TP63: variants seen among roughly 807,000 people sequenced by gnomAD.
TP63 encodes the protein tumor protein 63.
In TP63, 17 loss-of-function variants were observed where a neutral mutation model predicts 82.8. That is an observed-to-expected ratio of 0.21 (90% CI 0.14 to 0.31). TP63 has a LOEUF of 0.31. Ranked by LOEUF, TP63 falls within the 10% of genes least tolerant of loss-of-function variation. The pLI, the probability that TP63 is intolerant of heterozygous loss-of-function variation, is 1.00. For synonymous variants in TP63, 330 were observed against 321.7 expected, an observed-to-expected ratio of 1.03 and a Z score of -0.28; for missense variants, 648 against 895.3, an observed-to-expected ratio of 0.72 and a Z score of 3.52.
intron 13 of TP63, among the ~76,000 whole-genome samples, chr3:189,893,564 C>A (rs1394458416): frequency 6.6e-6 from 1 of 152,216 alleles, no homozygotes. Context: ...CATTTTGATA[C>A]CTTGCTTTAT....
chr3:189,812,209 A>G (rs1048372041), intron 4 of TP63, among the ~76,000 whole-genome samples: 4 of 152,180 alleles, frequency 2.6e-5, no homozygotes, highest in Non-Finnish European at 5.9e-5. Flanking sequence ...TAGCTAATAT[A>G]TTTAAAGTAT....
At chr3:189,765,433 C>CTTTGTTTTTTT (rs1722871140) in intron 3 of TP63, among the ~76,000 whole-genome samples, 1 of 30,088 alleles carries the variant, frequency 3.3e-5, no homozygotes, top group African/African-American at 1.2e-4. Context: ...CTGTCCTCTG[C>CTTTGTTTTTTT]TTTTTTTTTT....
the TP63 span, among the ~76,000 whole-genome samples, chr3:189,617,084 G>T: frequency 2.0e-4 from 30 of 152,300 alleles, no homozygotes; most frequent in South Asian, 4.1e-4. Context: ...ATCTGTAAAG[G>T]CTTCACTGAA....
At chr3:189,628,323 C>A (rs1269345404), upstream of TP63, among the ~76,000 whole-genome samples, 1 of 152,022 alleles carries the variant, frequency 6.6e-6, no homozygotes, top group Non-Finnish European at 1.5e-5. Context: ...CAAGAGCAAC[C>A]AGAAAAATAT....
In TP63 at chr3:189,897,238, C is replaced by T. The variant is rs1388045850; in HGVS notation, c.*2736C>T. On this transcript the variant is annotated 3_prime_UTR_variant, in exon 14 of 14. Coordinates refer to ENST00000264731, the MANE Select transcript of TP63 (RefSeq NM_003722.5). ...ATCTCTTTTTGTTTGCCAGGACATG[C>T]AATAAAATTTAAAAAATAAATAAAA... The T allele has an allele frequency of 5.0e-6, 1 of 201,276 alleles. No individual in the cohort carries two copies. Among genetic ancestry groups the T allele is most frequent in the Non-Finnish European group, 1.0e-5 (1 of 97,688 alleles). 12.5% of individuals were successfully genotyped at this position (201,276 alleles called of 1,614,324 possible).
chr3:189,834,549 C>T (rs955202767), intron 4 of TP63, among the ~76,000 whole-genome samples: 1 of 152,124 alleles, frequency 6.6e-6, no homozygotes, highest in Admixed American at 6.5e-5. Context: ...AAAGAAAATA[C>T]GTTACTGTTT....
intron 1 of TP63, among the ~76,000 whole-genome samples, chr3:189,676,398 G>A (rs1043607236): frequency 3.9e-5 from 6 of 151,962 alleles, no homozygotes; most frequent in Non-Finnish European, 5.9e-5. Context: ...ATATGTAAGT[G>A]GGATCATGCA....
chr3:189,815,138 G>C (rs1728037286), intron 4 of TP63, among the ~76,000 whole-genome samples: 1 of 150,472 alleles, frequency 6.6e-6, no homozygotes, highest in African/African-American at 2.5e-5. Flanking sequence ...ATTATTGTTA[G>C]TTAATTTGGT....
intron 3 of TP63, among the ~76,000 whole-genome samples, chr3:189,745,716 A>C (rs1222615973): frequency 8.7e-5 from 13 of 149,454 alleles, no homozygotes; most frequent in African/African-American, 3.2e-4. Flanking sequence ...CTCAAAAAAA[A>C]AAAAAAAAAA....
At chr3:189,728,316 C>T (rs142126990) in intron 1 of TP63, among the ~76,000 whole-genome samples, 9 of 152,296 alleles carry the variant, frequency 5.9e-5, no homozygotes, top group African/African-American at 9.6e-5. Context: ...AACAGACCTA[C>T]ATACACAAAA....
intron 1 of TP63, among the ~76,000 whole-genome samples, chr3:189,704,367 C>T (rs944285488): frequency 5.9e-5 from 9 of 152,220 alleles, no homozygotes; most frequent in African/African-American, 2.2e-4. Context: ...TGAAGCCACC[C>T]ATAGCTTACA....
chr3:189,728,792 C>T (rs2108780294), intron 1 of TP63, among the ~76,000 whole-genome samples: 1 of 152,252 alleles, frequency 6.6e-6, no homozygotes, highest in Middle Eastern at 3.4e-3. Flanking sequence ...TCTCATGAGA[C>T]TCACGCATTT....
chr3:189,760,476 G>T (rs1224120531), intron 3 of TP63, among the ~76,000 whole-genome samples: 1 of 152,188 alleles, frequency 6.6e-6, no homozygotes, highest in Non-Finnish European at 1.5e-5. Flanking sequence ...CTCCAAAATG[G>T]TCTCCTTTGA....
chr3:189,650,721 T>C (rs994505747), intron 1 of TP63, among the ~76,000 whole-genome samples: 1 of 147,520 alleles, frequency 6.8e-6, no homozygotes, highest in Non-Finnish European at 1.5e-5. Context: ...GGTATGTCTT[T>C]ATTAGCAATG....
chr3:189,665,094 G>T (rs1252900552), intron 1 of TP63, among the ~76,000 whole-genome samples: 1 of 152,090 alleles, frequency 6.6e-6, no homozygotes, highest in Non-Finnish European at 1.5e-5. Flanking sequence ...ACTATTACCT[G>T]TGTTCTCATT....
chr3:189,801,334 A>C (rs1726284506), intron 3 of TP63, among the ~76,000 whole-genome samples: 1 of 152,136 alleles, frequency 6.6e-6, no homozygotes, highest in South Asian at 2.1e-4. Context: ...TGAAATTCTG[A>C]ATATTTCCCC....
chr3:189,792,134 C>T (rs1725202927), intron 3 of TP63, among the ~76,000 whole-genome samples: 1 of 151,968 alleles, frequency 6.6e-6, no homozygotes, highest in Admixed American at 6.6e-5. Context: ...ATTCCTTTTC[C>T]CACAACTTTT....
In TP63 at chr3:189,727,725, A is replaced by G. The variant is rs1446389111; in HGVS notation, c.63-10015A>G. On this transcript the variant is annotated intron_variant, in intron 1 of 13. Transcript: ENST00000264731. The stretch of plus-strand genomic sequence containing the variant: ...TGGATGTTACATGCATTTTTCTTCA[A>G]GTGTTCACAGTTGTGTAAAACCCTA... 3.3e-5 allele frequency among the ~76,000 whole-genome samples: 5 copies of G among 152,218 alleles called. No individual in the cohort carries two copies. In the South Asian group the frequency reaches 1.0e-3, roughly 32 times the overall value.
chr3:189,818,410 A>G (rs1728423166), intron 4 of TP63, among the ~76,000 whole-genome samples: 1 of 152,070 alleles, frequency 6.6e-6, no homozygotes. Flanking sequence ...TAAATATTTT[A>G]TATGCCTTGA....
Sources: allele counts gnomAD v4.1 joint callset (sites outside exome capture counted in the v4.1 genomes callset), GRCh38; gene constraint gnomAD v4.1.1; transcripts MANE v1.5; gene names NCBI Gene and HGNC (gene_info 2026-07-23, HGNC 2026-07-21).